Variants in CHN2 observed in about 807,000 individuals in gnomAD.
CHN2 encodes the protein chimerin 2.
In CHN2, 35 loss-of-function variants were observed where a neutral mutation model predicts 56.3. The observed-to-expected ratio is 0.62, with a 90% CI of 0.47 to 0.82. The LOEUF is 0.82. CHN2 is among the 40% of genes least tolerant of loss of function. The pLI is 0.00. For synonymous variants in CHN2, 210 were observed against 212.8 expected (o/e 0.99, Z 0.12); for missense variants, 491 against 580.5 (o/e 0.85, Z 1.58).
At chr7:29,432,493 T>C (rs887360649) in intron 6 of CHN2, among the ~76,000 whole-genome samples, 1 of 152,152 alleles carries the variant, frequency 6.6e-6, no homozygotes, top group African/African-American at 2.4e-5. Context: ...CAGAAAGCAA[T>C]GGAGCTTTTC....
intron 1 of CHN2, among the ~76,000 whole-genome samples, chr7:29,344,216 A>T (rs1014167411): frequency 1.3e-5 from 2 of 152,168 alleles, no homozygotes; most frequent in East Asian, 3.9e-4. Context: ...GTTACTGGAC[A>T]GTCCCTTGAT....
chr7:29,173,166 TA>T (rs1796834914), intron 2 of CHN2, among the ~76,000 whole-genome samples: 1 of 151,448 alleles, frequency 6.6e-6, no homozygotes, highest in African/African-American at 2.4e-5. Flanking sequence ...AGATAGTTTT[TA>T]AAAAAACATT....
chr7:29,239,952 C>A (rs1787522313), intron 1 of CHN2, among the ~76,000 whole-genome samples: 1 of 152,154 alleles, frequency 6.6e-6, no homozygotes, highest in Non-Finnish European at 1.5e-5. Flanking sequence ...AATGCATAAT[C>A]TGCTAATTTT....
At chr7:29,223,674 T>C (rs1785972805) in intron 1 of CHN2, among the ~76,000 whole-genome samples, 2 of 152,294 alleles carry the variant, frequency 1.3e-5, no homozygotes, top group South Asian at 4.1e-4. Context: ...AATTCTGTGA[T>C]TGATAGACTC....
intron 8 of CHN2, among the ~76,000 whole-genome samples, chr7:29,498,758 C>CTTTTTTT (rs138784356): frequency 0.026 from 2,643 of 99,928 alleles, 70 homozygotes; most frequent in African/African-American, 0.062. Context: ...ACTATGCTGC[C>CTTTTTTT]TTTTTTTTTT....
At chr7:29,161,753 A>G (rs1795205132) in intron 2 of CHN2, among the ~76,000 whole-genome samples, 1 of 152,214 alleles carries the variant, frequency 6.6e-6, no homozygotes, top group Non-Finnish European at 1.5e-5. Flanking sequence ...TGAGCCACCA[A>G]CTGGAAGAAA....
rs540889735 is a variant in CHN2, at chr7:29,393,693, A to G, written c.159A>G (p.Pro53=). Residue 53 remains proline, a synonymous_variant, in exon 4 of 13, where the codon CCA becomes CCG. Coordinates refer to ENST00000222792, the MANE Select transcript of CHN2 (RefSeq NM_004067.4). ...IICPREVENR[P]KYYGREFHGI... is the part of the protein sequence containing the mutation. ...TTTTAATATAGGTGGAAAACAGACC[A>G]AAATATTATGGAAGAGAGTATGTAT... is the stretch of plus-strand genomic sequence containing the variant. The G allele has an allele frequency of 2.3e-6, 2 of 880,088 alleles. No individual in the cohort carries two copies. The highest frequency in any genetic ancestry group is 3.5e-5 in the African/African-American group (2 of 57,518). The allele number at this position is 880,088 out of a possible 1,614,324, so 54.5% of individuals were successfully genotyped here. A position where few individuals can be genotyped will look rare whatever the true frequency, so the allele number is the denominator to read the frequency against.
chr7:29,270,400 TC>T (rs371614940), intron 1 of CHN2, among the ~76,000 whole-genome samples: 1,871 of 143,430 alleles, frequency 0.013, 36 homozygotes, highest in African/African-American at 0.047. Flanking sequence ...ACACCTATAA[TC>T]CCAGTACTTT....
At chr7:29,274,585 A>G (rs115393050) in intron 1 of CHN2, among the ~76,000 whole-genome samples, 1 of 152,204 alleles carries the variant, frequency 6.6e-6, no homozygotes, top group Non-Finnish European at 1.5e-5. Flanking sequence ...AATGGAAAGC[A>G]GTGATTTACA....
chr7:29,290,344 C>T (rs920422824), intron 1 of CHN2, among the ~76,000 whole-genome samples: 1 of 152,204 alleles, frequency 6.6e-6, no homozygotes, highest in Non-Finnish European at 1.5e-5. Context: ...TTGTGTTTAT[C>T]GCTCTGTTCC....
intron 2 of CHN2, among the ~76,000 whole-genome samples, chr7:29,167,348 A>G (rs943100482): frequency 6.6e-6 from 1 of 152,184 alleles, no homozygotes; most frequent in Non-Finnish European, 1.5e-5. Flanking sequence ...TTCATATTCT[A>G]TCCTAAATGG....
In CHN2 at chr7:29,427,086, G is replaced by A. The variant is rs1413794197; in HGVS notation, c.576+26258G>A. Among the ~76,000 whole-genome samples, 4 of 152,208 alleles carry A rather than the reference G, an allele frequency of 2.6e-5. No individual in the cohort carries two copies. In the East Asian group the frequency reaches 7.7e-4, roughly 29 times the overall value. On this transcript the variant is annotated intron_variant, in intron 6 of 12. Transcript: ENST00000222792. ...TAATCCCAGCACTTTGGGAAGCCAAGGTGGGTGGATCACTTGAGGTCGGGA... is the reference window on the plus strand; with the variant it reads ...TAATCCCAGCACTTTGGGAAGCCAAAGTGGGTGGATCACTTGAGGTCGGGA...
Position 29,439,124 on chromosome 7 carries a change from G to C in CHN2, c.576+38296G>C, listed in dbSNP as rs149723959. On this transcript the variant is annotated intron_variant, in intron 6 of 12. Coordinates refer to ENST00000222792, the MANE Select transcript of CHN2 (RefSeq NM_004067.4). Reference sequence around the variant, plus strand: ...CAGGCCTATTAAGGAGGTTTTGCCTGTATTGGTTTTCAGAGGACAAAAAGG... The same window carrying C: ...CAGGCCTATTAAGGAGGTTTTGCCTCTATTGGTTTTCAGAGGACAAAAAGG... Among the ~76,000 whole-genome samples, 198 of 152,256 alleles carry C rather than the reference G, an allele frequency of 1.3e-3. 2 individuals are homozygous for C. Among genetic ancestry groups the C allele is most frequent in the Admixed American group, 4.4e-3 (68 of 15,298 alleles).
At chr7:29,149,552 A>G (rs933464680) in intron 2 of CHN2, among the ~76,000 whole-genome samples, 1 of 152,198 alleles carries the variant, frequency 6.6e-6, no homozygotes, top group Non-Finnish European at 1.5e-5. Flanking sequence ...ACAGAACAGA[A>G]TAGAACCATA....
At chr7:29,296,594 C>T (rs758355418) in intron 1 of CHN2, among the ~76,000 whole-genome samples, 6 of 152,158 alleles carry the variant, frequency 3.9e-5, no homozygotes, top group Non-Finnish European at 7.4e-5. Flanking sequence ...ACTCAGTTAG[C>T]TTCATTTGCC....
chr7:29,181,505 C>G (rs1432315046), intron 2 of CHN2: 1 of 152,068 alleles, frequency 6.6e-6, no homozygotes, highest in Non-Finnish European at 1.5e-5. Flanking sequence ...GTGAAACAAC[C>G]TAAATTTCAA....
intron 6 of CHN2, among the ~76,000 whole-genome samples, chr7:29,455,193 A>C (rs1784662322): frequency 6.6e-6 from 1 of 152,202 alleles, no homozygotes; most frequent in Non-Finnish European, 1.5e-5. Flanking sequence ...CACCACTAAA[A>C]ATGTACTATG....
At chr7:29,240,269 C>T (rs565839031) in intron 1 of CHN2, among the ~76,000 whole-genome samples, 4 of 152,328 alleles carry the variant, frequency 2.6e-5, no homozygotes, top group Admixed American at 6.5e-5. Context: ...GTGCCTTCCC[C>T]GGGAACTATT....
intron 6 of CHN2, among the ~76,000 whole-genome samples, chr7:29,476,923 T>G (rs1273421235): frequency 1.3e-5 from 2 of 152,176 alleles, no homozygotes; most frequent in African/African-American, 4.8e-5. Context: ...TGAATGTATA[T>G]ATTAAAATAG....
Sources: gnomAD v4.1 joint callset for allele counts (sites outside exome capture counted in the v4.1 genomes callset) on GRCh38, gnomAD v4.1.1 for gene constraint, MANE v1.5 for transcripts, NCBI Gene and HGNC (gene_info 2026-07-23, HGNC 2026-07-21) for gene names.